The following GRM8 variants were observed in gnomAD, a reference collection of about 807,000 sequenced individuals.
GRM8 encodes the protein metabotropic glutamate receptor 8.
GRM8 carries 47 observed loss-of-function variants against 87.2 expected under a neutral mutation model. That is an observed-to-expected ratio of 0.54 (90% CI 0.43 to 0.69). The LOEUF (loss-of-function observed/expected upper bound fraction) is 0.69. GRM8 is among the 30% of genes least tolerant of loss of function. The pLI is 0.00. For missense variants in GRM8, 1,019 were observed against 1,139.2 expected, an observed-to-expected ratio of 0.89 and a Z score of 1.52; for synonymous variants, 396 against 404.5, an observed-to-expected ratio of 0.98 and a Z score of 0.25.
intron 9 of GRM8, among the ~76,000 whole-genome samples, chr7:126,483,154 T>C (rs1177968928): frequency 1.3e-5 from 2 of 149,020 alleles, no homozygotes; most frequent in Non-Finnish European, 3.0e-5. Flanking sequence ...AATAAAATCC[T>C]TCCTTCCTTT....
intron 7 of GRM8, among the ~76,000 whole-genome samples, chr7:126,644,069 T>G (rs946971779): frequency 8.5e-5 from 13 of 152,256 alleles, no homozygotes; most frequent in African/African-American, 3.1e-4. Context: ...TGCAGAAATA[T>G]GCTTCTAAAG....
chr7:126,587,067 C>T (rs1403429543), intron 8 of GRM8, among the ~76,000 whole-genome samples: 1 of 152,134 alleles, frequency 6.6e-6, no homozygotes, highest in Non-Finnish European at 1.5e-5. Context: ...CCCACAGACA[C>T]AGGAAAAAAT....
At chr7:126,936,478 A>C (rs1806336396) in intron 3 of GRM8, among the ~76,000 whole-genome samples, 1 of 152,110 alleles carries the variant, frequency 6.6e-6, no homozygotes, top group Non-Finnish European at 1.5e-5. Flanking sequence ...TCTCCCTTTT[A>C]GTTATAGAAT....
chr7:126,876,084 C>T (rs1799502824), intron 6 of GRM8, among the ~76,000 whole-genome samples: 1 of 152,168 alleles, frequency 6.6e-6, no homozygotes, highest in Non-Finnish European at 1.5e-5. Flanking sequence ...ACTTTACCTT[C>T]CCCAAGCACA....
At chr7:127,117,380 A>G (rs895166988) in intron 2 of GRM8, among the ~76,000 whole-genome samples, 1 of 152,188 alleles carries the variant, frequency 6.6e-6, no homozygotes, top group Admixed American at 6.5e-5. Context: ...AACTCTGCTC[A>G]ATGAGGCAGC....
intron 9 of GRM8, among the ~76,000 whole-genome samples, chr7:126,492,753 T>C (rs888850115): frequency 2.0e-5 from 3 of 152,100 alleles, no homozygotes; most frequent in South Asian, 4.1e-4. Flanking sequence ...GCTTTATAGA[T>C]AGGTATTCCT....
At chr7:127,201,810 A>T (rs976376871) in intron 2 of GRM8, among the ~76,000 whole-genome samples, 7 of 152,210 alleles carry the variant, frequency 4.6e-5, no homozygotes, top group African/African-American at 1.4e-4. Flanking sequence ...GGATGGCCCA[A>T]ATCATGAGAA....
intron 2 of GRM8, among the ~76,000 whole-genome samples, chr7:127,157,332 A>C (rs896334086): frequency 6.6e-6 from 1 of 152,084 alleles, no homozygotes; most frequent in East Asian, 1.9e-4. Context: ...AGAATCAAGG[A>C]CTAACAGACT....
intron 7 of GRM8, among the ~76,000 whole-genome samples, chr7:126,716,246 T>C (rs536837464): frequency 4.6e-5 from 7 of 152,100 alleles, no homozygotes; most frequent in Admixed American, 2.0e-4. Context: ...TCCTTACATA[T>C]AGTCAGGGTC....
chr7:127,248,670 C>T (rs1184060667), intron 1 of GRM8, among the ~76,000 whole-genome samples: 1 of 152,200 alleles, frequency 6.6e-6, no homozygotes, highest in African/African-American at 2.4e-5. Context: ...TTATAAACTG[C>T]CAAGTGCTAT....
intron 2 of GRM8, among the ~76,000 whole-genome samples, chr7:127,177,368 C>T (rs570024469): frequency 2.0e-4 from 30 of 152,308 alleles, no homozygotes; most frequent in Middle Eastern, 3.4e-3. Flanking sequence ...AGTCTGAGCT[C>T]AGACATGTCT....
chr7:126,738,578 T>C (rs1814514075), intron 7 of GRM8, among the ~76,000 whole-genome samples: 1 of 151,692 alleles, frequency 6.6e-6, no homozygotes, highest in African/African-American at 2.4e-5. Context: ...GAGTTGAACA[T>C]CCAAGTGAAG....
At chr7:126,585,093 T>A (rs1192622037) in intron 8 of GRM8, among the ~76,000 whole-genome samples, 1 of 152,056 alleles carries the variant, frequency 6.6e-6, no homozygotes. Context: ...TTTATACAAA[T>A]AAATGAAACC....
chr7:127,112,087 C>T (rs1044687349), intron 2 of GRM8: 1 of 152,164 alleles, frequency 6.6e-6, no homozygotes, highest in Admixed American at 6.5e-5. Flanking sequence ...AATCATTTCC[C>T]CATTGCCCTT....
chr7:127,200,885 A>T (rs553967770), intron 2 of GRM8, among the ~76,000 whole-genome samples: 1 of 152,228 alleles, frequency 6.6e-6, no homozygotes, highest in Non-Finnish European at 1.5e-5. Flanking sequence ...TTTGGGGAAC[A>T]TTATTTAACC....
intron 3 of GRM8, among the ~76,000 whole-genome samples, chr7:126,915,770 G>T (rs1451446223): frequency 2.0e-5 from 3 of 152,166 alleles, no homozygotes; most frequent in Admixed American, 2.0e-4. Flanking sequence ...AGAAAGAGGA[G>T]AGCTGAGAGA....
intron 8 of GRM8, among the ~76,000 whole-genome samples, chr7:126,563,348 G>A (rs893622718): frequency 2.0e-5 from 3 of 151,526 alleles, no homozygotes; most frequent in Admixed American, 1.3e-4. Flanking sequence ...CATGTCAACA[G>A]TGCAAATACT....
intron 9 of GRM8, among the ~76,000 whole-genome samples, chr7:126,516,896 T>A (rs1812250133): frequency 6.6e-6 from 1 of 152,080 alleles, no homozygotes; most frequent in Admixed American, 6.6e-5. Context: ...TATGAATTCT[T>A]TTAAAAAAAC....
At chr7:126,556,009 C>G (rs1448741685) in intron 8 of GRM8, among the ~76,000 whole-genome samples, 1 of 151,726 alleles carries the variant, frequency 6.6e-6, no homozygotes, top group Non-Finnish European at 1.5e-5. Context: ...ATATTCCCAA[C>G]TCTGAAAAAC....
Sources: gnomAD v4.1 joint callset for allele counts (sites outside exome capture counted in the v4.1 genomes callset) on GRCh38, gnomAD v4.1.1 for gene constraint, MANE v1.5 for transcripts, NCBI Gene and HGNC (gene_info 2026-07-23, HGNC 2026-07-21) for gene names.